DNA2: variants seen among roughly 807,000 people sequenced by gnomAD.
DNA2 encodes DNA replication ATP-dependent helicase/nuclease DNA2.
A neutral mutation model predicts 119.1 loss-of-function variants in DNA2; 101 were observed. That is an observed-to-expected ratio of 0.85 (90% CI 0.72 to 1.00). The LOEUF is 1.00. DNA2 is among the 50% of genes least tolerant of loss of function. DNA2 has a pLI of 0.00. For missense variants in DNA2, 1,121 were observed against 1,255.5 expected (o/e 0.89, Z 1.62); for synonymous variants, 366 against 424.4 (o/e 0.86, Z 1.69).
chr10:68,436,427 A>T (rs1361150953), intron 10 of DNA2, among the ~76,000 whole-genome samples: 1 of 152,134 alleles, frequency 6.6e-6, no homozygotes, highest in Admixed American at 6.6e-5. Flanking sequence ...GGGAGGAGAG[A>T]GTGGGAAGTG....
rs908395306 is a variant in DNA2 at position 68,441,373 on chromosome 10, C to T, written c.1415+1544G>A. On this transcript the variant is annotated intron_variant, in intron 9 of 20. Transcript: ENST00000358410. ...AAAAAAAAGAAAAATTCTAACTTTA[C>T]AGGTACATATTACTATTATTTTTTT... 5.4e-5 allele frequency among the ~76,000 whole-genome samples: 8 copies of T among 148,810 alleles called. No homozygotes were observed. The Middle Eastern group carries it at 0.014, about 260-fold the overall frequency.
In DNA2 at chr10:68,468,108, G is replaced by A. The variant is rs558303170; in HGVS notation, c.441+15C>T. 641 of 1,530,750 alleles carry A rather than the reference G, an allele frequency of 4.2e-4. 8 individuals carry two copies. In the South Asian group the frequency reaches 8.0e-3, roughly 19 times the overall value. The allele number at this position is 1,530,750 out of a possible 1,614,324, so 94.8% of individuals were successfully genotyped here. On this transcript the variant is annotated intron_variant, in intron 3 of 20. Transcript: ENST00000358410. ...CTCAGACCCTGCAGAAACATTAACT[G>A]TTACTATTATTTACCCTAAAAGTTT...
intron 19 of DNA2, among the ~76,000 whole-genome samples, chr10:68,418,345 A>C (rs2051618717): frequency 6.6e-6 from 1 of 151,620 alleles, no homozygotes; most frequent in African/African-American, 2.4e-5. Flanking sequence ...CTGGGAGGCG[A>C]AGGTTGCAGT....
At chr10:68,423,637 T>C (rs1202650513) in intron 14 of DNA2, among the ~76,000 whole-genome samples, 1 of 152,154 alleles carries the variant, frequency 6.6e-6, no homozygotes, top group Non-Finnish European at 1.5e-5. Context: ...CTCAAGGCTG[T>C]AACAAGGTGC....
Position 68,422,757 on chromosome 10 carries a change from C to T in DNA2, c.2342G>A (p.Arg781Lys). ...CTGATGGTCCCCCACTAACACAAAT[C>T]TCCGTGAAAAAAAAAGGGGGCCCAG... ...ICLGPLFFSR[R>K]FVLVGDHQQL... The change falls in exon 15 of 21, where the codon AGA (arginine) becomes AAA (lysine). Residue 781 changes from arginine (R) to lysine (K), a missense_variant. Transcript: ENST00000358410. 6.2e-7 allele frequency: 1 copy of T among 1,607,956 alleles called. No homozygotes were observed. Among genetic ancestry groups the T allele is most frequent in the Non-Finnish European group, 8.5e-7 (1 of 1,178,276 alleles).
chr10:68,459,218 CTTAGAT>C lies in DNA2; in HGVS notation c.599_604del (p.Asn200_Leu201del). The C allele has an allele frequency of 6.4e-7, 1 of 1,558,392 alleles. No individual in the cohort carries two copies. The highest frequency in any genetic ancestry group is 8.7e-7 in the Non-Finnish European group (1 of 1,151,138). ...TACTTCTTGTTTTATTTCATCTTGA[CTTAGAT>C]TTAAGCGGTACCTGCCAAAAATATA... On this transcript the variant is annotated inframe_deletion, in exon 5 of 21. Coordinates refer to ENST00000358410, the MANE Select transcript of DNA2 (RefSeq NM_001080449.3).
intron 6 of DNA2, among the ~76,000 whole-genome samples, chr10:68,448,954 TG>T (rs2052078055): frequency 7.8e-6 from 1 of 128,584 alleles, no homozygotes; most frequent in Non-Finnish European, 1.6e-5. Flanking sequence ...TGTGTGTGTG[TG>T]TGTGTGTGTG....
Position 68,432,209 on chromosome 10 carries a change from T to G in DNA2, c.1870A>C (p.Lys624Gln). ...DAKDTVACILKGLNKPQRQAM... is the reference protein window; with the variant it reads ...DAKDTVACILQGLNKPQRQAM... Reference sequence around the variant, plus strand: ...AGACATGGTGATTTTAGCATACCCTTTAGAATGCAGGCAACTGTATCCTTT... The same window carrying G: ...AGACATGGTGATTTTAGCATACCCTGTAGAATGCAGGCAACTGTATCCTTT... Residue 624 changes from lysine to glutamine, a missense_variant, in exon 12 of 21, where the codon AAG becomes CAG. Transcript: ENST00000358410. 6.4e-7 allele frequency: 1 copy of G among 1,570,342 alleles called. No homozygotes were observed. Among genetic ancestry groups the G allele is most frequent in the Middle Eastern group, 1.7e-4 (1 of 5,872 alleles).
intron 10 of DNA2, among the ~76,000 whole-genome samples, chr10:68,434,784 T>C (rs937389673): frequency 6.6e-6 from 1 of 152,184 alleles, no homozygotes; most frequent in African/African-American, 2.4e-5. Context: ...AACTGGAATA[T>C]TGTGGATCAC....
intron 10 of DNA2, 156 bp downstream of exon 10, chr10:68,436,853 TGG>T (rs1239123386): frequency 2.9e-5 from 17 of 596,116 alleles, no homozygotes; most frequent in Non-Finnish European, 4.8e-5. Context: ...AGTTTCTTTT[TGG>T]GGTGATGAAA....
intron 5 of DNA2, 106 bp from the exon 6 acceptor site, chr10:68,450,353 G>A: frequency 1.2e-6 from 1 of 855,670 alleles, no homozygotes; most frequent in Non-Finnish European, 1.8e-6. Context: ...GGAGGGGAAA[G>A]AGTCTACCTA....
chr10:68,426,548 T>C (rs2051743386), intron 14 of DNA2, among the ~76,000 whole-genome samples: 1 of 134,302 alleles, frequency 7.4e-6, no homozygotes, highest in African/African-American at 2.8e-5. Flanking sequence ...AAAAAATAAA[T>C]AAATAGGCCG....
chr10:68,433,634 G>A (rs939790666), intron 10 of DNA2, among the ~76,000 whole-genome samples: 1 of 152,092 alleles, frequency 6.6e-6, no homozygotes, highest in Non-Finnish European at 1.5e-5. Context: ...AGCTCAAGCT[G>A]TTATCTCACC....
rs376717498 is a variant in DNA2, at chr10:68,422,295, T to C, written c.2627A>G (p.Tyr876Cys). 64 of 1,613,908 alleles carry C rather than the reference T, an allele frequency of 4.0e-5. No homozygotes were observed. The African/African-American group carries it at 6.9e-4, about 17-fold the overall frequency. ...TCCCATCAACCAAGGATTATCAGAA[T>C]AGTCAGCATAAAATTCCAGTTCCAG... The part of the protein sequence containing the change: ...VKLELEFYAD[Y>C]SDNPWLMGVF... Residue 876 changes from tyrosine to cysteine, a missense_variant, in exon 17 of 21, where the codon TAT becomes TGT. Coordinates refer to ENST00000358410, the MANE Select transcript of DNA2 (RefSeq NM_001080449.3).
In DNA2 at chr10:68,414,119, AC is replaced by A. The variant is rs1416178148; in HGVS notation, c.*919del. On this transcript the variant is annotated 3_prime_UTR_variant, in exon 21 of 21. Coordinates refer to ENST00000358410, the MANE Select transcript of DNA2 (RefSeq NM_001080449.3). ...AAACTTCAAGTAATAATTTAAAAAAACACATGAGGTAGAAATAAAAATTTTA... is the reference window on the plus strand; with the variant it reads ...AAACTTCAAGTAATAATTTAAAAAAAACATGAGGTAGAAATAAAAATTTTA... 6.7e-6 allele frequency: 1 copy of A among 150,242 alleles called. No individual in the cohort carries two copies. Among genetic ancestry groups the A allele is most frequent in the East Asian group, 2.0e-4 (1 of 5,058 alleles). 9.3% of individuals were successfully genotyped at this position (150,242 alleles called of 1,614,324 possible).
intron 9 of DNA2, among the ~76,000 whole-genome samples, chr10:68,442,523 A>G (rs1405405815): frequency 6.6e-6 from 1 of 152,050 alleles, no homozygotes; most frequent in Admixed American, 6.6e-5. Context: ...AGTAGCTGGG[A>G]TTACAGGCAC....
rs181582202 is a variant in DNA2, at chr10:68,457,113, A to G, written c.719+1991T>C. 1.3e-3 allele frequency among the ~76,000 whole-genome samples: 193 copies of G among 151,500 alleles called. 4 individuals carry two copies. Among genetic ancestry groups the G allele is most frequent in the East Asian group, 0.012 (63 of 5,132 alleles). ...CGCGCCACTGCACTCCAGCCTGGGC[A>G]ACAGAGCGAGACTCCATCTCAAAAA... is the stretch of plus-strand genomic sequence containing the variant. On this transcript the variant is annotated intron_variant, in intron 5 of 20. Transcript: ENST00000358410.
intron 2 of DNA2, among the ~76,000 whole-genome samples, chr10:68,469,390 C>CAAAAAAAAAA (rs71019005): frequency 7.9e-4 from 60 of 75,862 alleles, no homozygotes; most frequent in East Asian, 3.2e-3. Flanking sequence ...ACTAAAAATA[C>CAAAAAAAAAA]AAAAAAAAAA....
intron 19 of DNA2, 127 bp from the exon 20 acceptor site, chr10:68,416,982 G>C: frequency 2.6e-6 from 2 of 769,446 alleles, no homozygotes; most frequent in Non-Finnish European, 4.0e-6. Flanking sequence ...AGTGGCTCAT[G>C]CCTGTAATCC....
Sources: allele counts gnomAD v4.1 joint callset (sites outside exome capture counted in the v4.1 genomes callset), GRCh38; gene constraint gnomAD v4.1.1; transcripts MANE v1.5; gene names NCBI Gene and HGNC (gene_info 2026-07-23, HGNC 2026-07-21).